Variants in TRIM48 observed in about 807,000 individuals in gnomAD.
TRIM48 encodes the protein tripartite motif containing 48.
TRIM48 carries 31 observed loss-of-function variants against 29.5 expected under a neutral mutation model. That is an observed-to-expected ratio of 1.05 (90% confidence interval 0.79 to 1.42). The LOEUF (loss-of-function observed/expected upper bound fraction) is 1.42, where lower values mean the gene tolerates loss of function less well. Ranked by LOEUF, TRIM48 falls within the 40% of genes most tolerant of loss-of-function variation. The pLI is 0.00. For synonymous variants in TRIM48, 128 were observed against 90.6 expected (o/e 1.41, Z -2.34); for missense variants, 344 against 265.0 (o/e 1.30, Z -2.07).
chr11:55,265,745 G>C lies in TRIM48; in HGVS notation c.555+50G>C. ...CTCCAGGAACTTATGGTGGGCAAAT[G>C]GGTGACTCTTAAAATAGGAACTTGA... is the stretch of plus-strand genomic sequence containing the variant. On this transcript the variant is annotated intron_variant, in intron 3 of 5. Coordinates refer to ENST00000417545, the MANE Select transcript of TRIM48 (RefSeq NM_024114.5). The C allele has an allele frequency of 1.3e-6, 2 of 1,527,938 alleles. 1 individual carries two copies. The highest frequency in any genetic ancestry group is 2.5e-5 in the South Asian group (2 of 80,124). 94.6% of individuals were successfully genotyped at this position (1,527,938 alleles called of 1,614,324 possible). A position where few individuals can be genotyped will look rare whatever the true frequency, so the allele number is the denominator to read the frequency against.
intron 3 of TRIM48, 123 bp from the exon 4 acceptor site, chr11:55,268,227 T>C: frequency 1.1e-6 from 1 of 903,488 alleles, no homozygotes; most frequent in Non-Finnish European, 1.7e-6. Context: ...AGAAAATGCT[T>C]TGCAGAAGAG....
rs1857473454 is a variant in TRIM48 at position 55,270,817 on chromosome 11, G to A, written c.*382G>A. The A allele has an allele frequency of 1.9e-6, 3 of 1,574,468 alleles. No homozygotes were observed. The South Asian group carries it at 3.6e-5, about 19-fold the overall frequency. On this transcript the variant is annotated 3_prime_UTR_variant, in exon 6 of 6. Coordinates refer to ENST00000417545, the MANE Select transcript of TRIM48 (RefSeq NM_024114.5). ...TACCAACCATGTAGAATTATTCCTGGATTGTGAAGCTAGAACTGTGAGCTT... is the reference window on the plus strand; with the variant it reads ...TACCAACCATGTAGAATTATTCCTGAATTGTGAAGCTAGAACTGTGAGCTT...
Position 55,262,312 on chromosome 11 carries a change from G to A in TRIM48, c.44+1G>A, listed in dbSNP as rs755481334. 55 of 1,544,668 alleles carry A rather than the reference G, an allele frequency of 3.6e-5. No individual in the cohort carries two copies. Among genetic ancestry groups the A allele is most frequent in the Non-Finnish European group, 4.6e-5 (53 of 1,142,638 alleles). Reference sequence around the variant, plus strand: ...TGGGAACCCTTCAAAGAACCCAGCGGTGAGTGAAACTTATATTGATAAAAT... The same window carrying A: ...TGGGAACCCTTCAAAGAACCCAGCGATGAGTGAAACTTATATTGATAAAAT... On this transcript the variant is annotated splice_donor_variant, in intron 1 of 5. Coordinates refer to ENST00000417545, the MANE Select transcript of TRIM48 (RefSeq NM_024114.5). LOFTEE classifies it high-confidence loss of function.
chr11:55,269,576 G>GA (rs35106526), intron 5 of TRIM48, among the ~76,000 whole-genome samples: 2 of 147,360 alleles, frequency 1.4e-5, no homozygotes, highest in South Asian at 4.9e-4. Flanking sequence ...AATGTAATGG[G>GA]AAAAAAGGAG....
chr11:55,269,326 C>T lies in TRIM48; in HGVS notation c.663C>T (p.Leu221=), dbSNP rs946134579. ...CCATCACTGGACTGAGGGACAGGCT[C>T]AACCAATTCTGAGGTAAGTCTCCAC... The part of the protein sequence containing the change: ...AGPITGLRDR[L]NQF Residue 221 remains leucine, a synonymous_variant, in exon 5 of 6, where the codon CTC becomes CTT. Coordinates refer to ENST00000417545, the MANE Select transcript of TRIM48 (RefSeq NM_024114.5). The T allele has an allele frequency of 1.1e-5, 17 of 1,575,278 alleles. 3 individuals are homozygous for T. In the African/African-American group the frequency reaches 1.6e-4, roughly 15 times the overall value.
Position 55,268,417 on chromosome 11 carries a change from C to T in TRIM48, c.578+45C>T, listed in dbSNP as rs185115588. On this transcript the variant is annotated intron_variant, in intron 4 of 5. Coordinates refer to ENST00000417545, the MANE Select transcript of TRIM48 (RefSeq NM_024114.5). Reference sequence around the variant, plus strand: ...TTAGCATATGTTCTTTCACTTTCCACGAATATCAAAGCAGGCTCTACCAAA... The same window carrying T: ...TTAGCATATGTTCTTTCACTTTCCATGAATATCAAAGCAGGCTCTACCAAA... 9.5e-4 allele frequency: 1,423 copies of T among 1,502,808 alleles called. 126 individuals are homozygous for T. The highest frequency in any genetic ancestry group is 2.5e-3 in the Admixed American group (143 of 56,238). The allele number at this position is 1,502,808 out of a possible 1,614,324, so 93.1% of individuals were successfully genotyped here. A position where few individuals can be genotyped will look rare whatever the true frequency, so the allele number is the denominator to read the frequency against.
In TRIM48 at chr11:55,270,706, C is replaced by G. The variant is rs767430775; in HGVS notation, c.*271C>G. The G allele has an allele frequency of 6.4e-7, 1 of 1,567,784 alleles. No individual in the cohort carries two copies. The highest frequency in any genetic ancestry group is 1.7e-5 in the Admixed American group (1 of 58,184). On this transcript the variant is annotated 3_prime_UTR_variant, in exon 6 of 6. Transcript: ENST00000417545. ...TGGCAATATATATGGAGAGGAGGGACTCTTTAGTCTTGGGTGTGTTAAGAA... is the reference window on the plus strand; with the variant it reads ...TGGCAATATATATGGAGAGGAGGGAGTCTTTAGTCTTGGGTGTGTTAAGAA...
At chr11:55,267,526 T>G in intron 3 of TRIM48, 1 of 1,577,424 alleles carries the variant, frequency 6.3e-7, no homozygotes, top group Non-Finnish European at 8.6e-7. Flanking sequence ...AAGATATTTT[T>G]CATCAACTTC....
chr11:55,270,917 T>A lies in TRIM48; in HGVS notation c.*482T>A. 6.4e-7 allele frequency: 1 copy of A among 1,557,348 alleles called. No individual in the cohort carries two copies. The highest frequency in any genetic ancestry group is 1.7e-5 in the Admixed American group (1 of 57,796). The stretch of plus-strand genomic sequence containing the variant: ...TTCTCACTTCCTCTCAGACCTATCT[T>A]TTTCTGTATTCTCCTCTGACCAGAG... On this transcript the variant is annotated 3_prime_UTR_variant, in exon 6 of 6. Coordinates refer to ENST00000417545, the MANE Select transcript of TRIM48 (RefSeq NM_024114.5).
rs1405523602 is a variant in TRIM48 at position 55,270,956 on chromosome 11, G to A, written c.*521G>A. The A allele has an allele frequency of 2.1e-5, 32 of 1,553,928 alleles. 1 individual carries two copies. Among genetic ancestry groups the A allele is most frequent in the Admixed American group, 5.2e-5 (3 of 57,170 alleles). On this transcript the variant is annotated 3_prime_UTR_variant, in exon 6 of 6. Coordinates refer to ENST00000417545, the MANE Select transcript of TRIM48 (RefSeq NM_024114.5). Reference sequence around the variant, plus strand: ...CTCTGACCAGAGACAAATCAGAAATGTGTTCATCTGCTGTGGGAACCCCTT... The same window carrying A: ...CTCTGACCAGAGACAAATCAGAAATATGTTCATCTGCTGTGGGAACCCCTT...
intron 1 of TRIM48, 73 bp from the exon 2 acceptor site, chr11:55,264,827 A>C: frequency 6.4e-7 from 1 of 1,551,272 alleles, no homozygotes; most frequent in South Asian, 1.2e-5. Flanking sequence ...TATAGCTATC[A>C]CTTATCTCCA....
Position 55,265,661 on chromosome 11 carries a change from T to G in TRIM48, c.521T>G (p.Leu174Arg), listed in dbSNP as rs754126946. Residue 174 changes from leucine (L) to arginine (R), a missense_variant, in exon 3 of 6, where the codon CTG becomes CGG. Physicochemically the swap from Leu to Arg is moderately radical, Grantham distance 102. Coordinates refer to ENST00000417545, the MANE Select transcript of TRIM48 (RefSeq NM_024114.5). ...WEKACENQRN[L>R]NVETTRISHW... is the part of the protein sequence containing the mutation. Reference sequence around the variant, plus strand: ...AAAGCTTGTGAAAATCAGAGAAACCTGAATGTGGAAACCACCAGAATCAGC... The same window carrying G: ...AAAGCTTGTGAAAATCAGAGAAACCGGAATGTGGAAACCACCAGAATCAGC... 1.3e-6 allele frequency: 2 copies of G among 1,581,524 alleles called. No homozygotes were observed. Among genetic ancestry groups the G allele is most frequent in the Admixed American group, 3.4e-5 (2 of 58,202 alleles).
intron 1 of TRIM48, among the ~76,000 whole-genome samples, chr11:55,263,210 C>A (rs180806007): frequency 6.6e-6 from 1 of 152,018 alleles, no homozygotes; most frequent in Non-Finnish European, 1.5e-5. Flanking sequence ...AAATAATTAC[C>A]ACTGTGTTAC....
Position 55,270,995 on chromosome 11 carries a change from C to T in TRIM48, c.*560C>T, listed in dbSNP as rs1418102739. On this transcript the variant is annotated 3_prime_UTR_variant, in exon 6 of 6. Transcript: ENST00000417545. ...TGGGAACCCCTTTATCCCAGAAAGC[C>T]CTCTTCCTTGTGCCTTATCAAACAG... The T allele has an allele frequency of 3.9e-6, 6 of 1,538,600 alleles. 1 individual carries two copies. Among genetic ancestry groups the T allele is most frequent in the African/African-American group, 1.4e-5 (1 of 72,444 alleles).
intron 3 of TRIM48, among the ~76,000 whole-genome samples, 191 bp from the exon 4 acceptor site, chr11:55,268,159 T>G (rs1360026261): frequency 6.8e-6 from 1 of 147,350 alleles, no homozygotes; most frequent in Non-Finnish European, 1.5e-5. Flanking sequence ...ACTCAGACTT[T>G]CCCGGGACAT....
chr11:55,268,764 T>C (rs1172532543), intron 4 of TRIM48, among the ~76,000 whole-genome samples: 2 of 147,570 alleles, frequency 1.4e-5, no homozygotes, highest in African/African-American at 2.5e-5. Flanking sequence ...TTCCGAAAAA[T>C]AGATTGAAAA....
intron 4 of TRIM48, 37 bp from the exon 5 acceptor site, chr11:55,269,205 G>A: frequency 1.3e-6 from 2 of 1,561,632 alleles, no homozygotes; most frequent in Non-Finnish European, 1.7e-6. Context: ...TTTATTTTAT[G>A]GCTGTAGATG....
intron 3 of TRIM48, chr11:55,267,456 T>C (rs1421848972): frequency 1.9e-6 from 3 of 1,579,292 alleles, no homozygotes; most frequent in South Asian, 2.4e-5. Context: ...TATCAGAAGA[T>C]GCCTGCATTT....
chr11:55,262,552 T>G (rs559991301), intron 1 of TRIM48, among the ~76,000 whole-genome samples: 1 of 152,262 alleles, frequency 6.6e-6, no homozygotes, highest in Admixed American at 6.6e-5. Flanking sequence ...CAGATATGTA[T>G]GCATAATGAA....
Sources: gnomAD v4.1 joint callset for allele counts (sites outside exome capture counted in the v4.1 genomes callset) on GRCh38, gnomAD v4.1.1 for gene constraint, MANE v1.5 for transcripts, NCBI Gene and HGNC (gene_info 2026-07-23, HGNC 2026-07-21) for gene names.